PRKCH: variants seen among roughly 807,000 people sequenced by gnomAD.
PRKCH encodes the protein protein kinase C eta, also known as protein kinase C eta type.
PRKCH carries 28 observed loss-of-function variants against 82.5 expected under a neutral mutation model. The observed-to-expected ratio is 0.34, with a 90% CI of 0.25 to 0.47. PRKCH has a LOEUF of 0.47. Ranked by LOEUF, PRKCH falls within the 20% of genes least tolerant of loss-of-function variation. The probability of loss-of-function intolerance (pLI) is 1.00; values close to 1 mark genes in which losing one functional copy is unlikely to be tolerated. For synonymous variants in PRKCH, 322 were observed against 327.4 expected (o/e 0.98, Z 0.18); for missense variants, 705 against 881.8 (o/e 0.80, Z 2.54).
intron 10 of PRKCH, among the ~76,000 whole-genome samples, chr14:61,497,234 A>G (rs546663512): frequency 6.6e-6 from 1 of 152,230 alleles, no homozygotes; most frequent in Non-Finnish European, 1.5e-5. Flanking sequence ...TGGTTCTGCC[A>G]CTTCTCTGTT....
At chr14:61,475,735 G>GT (rs1885701883) in intron 9 of PRKCH, among the ~76,000 whole-genome samples, 1 of 152,150 alleles carries the variant, frequency 6.6e-6, no homozygotes, top group South Asian at 2.1e-4. Context: ...AGAAGTGTAT[G>GT]TTTTTTACTT....
At chr14:61,264,063 G>A (rs940524215) in intron 1 of PRKCH, among the ~76,000 whole-genome samples, 1 of 151,938 alleles carries the variant, frequency 6.6e-6, no homozygotes, top group African/African-American at 2.4e-5. Context: ...AAACTGGATC[G>A]CCCTCTCAGG....
chr14:61,345,901 T>G (rs528086947), intron 1 of PRKCH, among the ~76,000 whole-genome samples: 1 of 151,620 alleles, frequency 6.6e-6, no homozygotes, highest in East Asian at 1.9e-4. Flanking sequence ...GTTGTGGAGC[T>G]AGAGTTTGAG....
At chr14:61,424,971 T>A (rs1883035710) in intron 2 of PRKCH, among the ~76,000 whole-genome samples, 1 of 152,234 alleles carries the variant, frequency 6.6e-6, no homozygotes, top group African/African-American at 2.4e-5. Flanking sequence ...CCCCAATCCT[T>A]GGTGGCTTCC....
chr14:61,243,139 A>G (rs2044853914), intron 1 of PRKCH, among the ~76,000 whole-genome samples: 1 of 152,186 alleles, frequency 6.6e-6, no homozygotes, highest in African/African-American at 2.4e-5. Flanking sequence ...TCACGCCTGT[A>G]ATCTCAGCAC....
intron 9 of PRKCH, among the ~76,000 whole-genome samples, chr14:61,464,208 T>C (rs7156666): frequency 0.024 from 3,604 of 152,314 alleles, 156 homozygotes; most frequent in African/African-American, 0.082. Context: ...TTCCCTTTTC[T>C]CCACATCCTC....
At chr14:61,307,953 C>A (rs974796410) in intron 1 of PRKCH, among the ~76,000 whole-genome samples, 2 of 152,334 alleles carry the variant, frequency 1.3e-5, no homozygotes, top group Non-Finnish European at 2.9e-5. Context: ...CCTCCCACCT[C>A]AGCCTTCTGA....
chr14:61,305,752 A>G (rs2045481796), intron 1 of PRKCH: 1 of 152,110 alleles, frequency 6.6e-6, no homozygotes, highest in Admixed American at 6.6e-5. Flanking sequence ...TTTCCCATGC[A>G]TCCTTACATA....
rs369954149 is a variant in PRKCH at position 61,495,051 on chromosome 14, T to G, written c.1433+9395T>G. ...AGTTTCTAATGTTTAGGGGAAGCAG[T>G]TGACCTCATTTTGAGTTTACGCCTT... On this transcript the variant is annotated intron_variant, in intron 10 of 13. Coordinates refer to ENST00000332981, the MANE Select transcript of PRKCH (RefSeq NM_006255.5). 1.1e-4 allele frequency among the ~76,000 whole-genome samples: 17 copies of G among 152,344 alleles called. 1 individual carries two copies. The highest frequency in any genetic ancestry group is 7.8e-4 in the Admixed American group (12 of 15,308).
intron 1 of PRKCH, among the ~76,000 whole-genome samples, chr14:61,223,717 C>A (rs2044673259): frequency 2.0e-5 from 3 of 152,188 alleles, no homozygotes; most frequent in Admixed American, 2.0e-4. Flanking sequence ...CTCTGCTTGC[C>A]ATGGAACTGT....
chr14:61,498,694 G>A (rs1281708402), intron 10 of PRKCH, among the ~76,000 whole-genome samples: 1 of 152,160 alleles, frequency 6.6e-6, no homozygotes, highest in Non-Finnish European at 1.5e-5. Context: ...AGAGAGCACA[G>A]GCTTTCTGGT....
At chr14:61,362,633 C>G (rs1033382154) in intron 1 of PRKCH, among the ~76,000 whole-genome samples, 1 of 152,158 alleles carries the variant, frequency 6.6e-6, no homozygotes. Flanking sequence ...AAATGTTCCT[C>G]TCTAGGATAC....
chr14:61,539,492 G>C (rs1265349799), intron 12 of PRKCH, among the ~76,000 whole-genome samples: 1 of 152,198 alleles, frequency 6.6e-6, no homozygotes, highest in East Asian at 1.9e-4. Context: ...AGAATATTCT[G>C]ATGCTGGTCA....
chr14:61,538,339 T>G (rs1008054750), intron 12 of PRKCH, among the ~76,000 whole-genome samples: 2 of 152,192 alleles, frequency 1.3e-5, no homozygotes, highest in Non-Finnish European at 2.9e-5. Flanking sequence ...TTAACACCCT[T>G]CAGAAAAGGA....
intron 2 of PRKCH, among the ~76,000 whole-genome samples, chr14:61,427,951 T>C (rs1225925039): frequency 2.6e-5 from 4 of 151,846 alleles, no homozygotes; most frequent in Non-Finnish European, 5.9e-5. Context: ...CCTAGCACTT[T>C]GGGAGACTGA....
At chr14:61,496,486 TC>T (rs1486741045) in intron 10 of PRKCH, among the ~76,000 whole-genome samples, 1 of 152,164 alleles carries the variant, frequency 6.6e-6, no homozygotes, top group Non-Finnish European at 1.5e-5. Flanking sequence ...TTGCCAAGCT[TC>T]CAGCTACCAA....
intron 1 of PRKCH, among the ~76,000 whole-genome samples, chr14:61,368,214 A>G (rs1371403594): frequency 1.3e-5 from 2 of 151,938 alleles, no homozygotes; most frequent in African/African-American, 4.8e-5. Flanking sequence ...GCTGCCTTAC[A>G]GCAGCCTCTA....
intron 10 of PRKCH, among the ~76,000 whole-genome samples, chr14:61,527,783 C>T (rs1403025505): frequency 1.3e-5 from 2 of 152,134 alleles, no homozygotes; most frequent in East Asian, 1.9e-4. Context: ...GCCCCTCAGC[C>T]TCCTCCACCA....
chr14:61,349,472 C>T (rs2046042098), intron 1 of PRKCH, among the ~76,000 whole-genome samples: 1 of 152,182 alleles, frequency 6.6e-6, no homozygotes, highest in South Asian at 2.1e-4. Flanking sequence ...TGAGTTCAAA[C>T]CCAGTTCTTT....
Sources: allele counts gnomAD v4.1 joint callset (sites outside exome capture counted in the v4.1 genomes callset), GRCh38; gene constraint gnomAD v4.1.1; transcripts MANE v1.5; gene names NCBI Gene and HGNC (gene_info 2026-07-23, HGNC 2026-07-21).